The following GPC5 variants were observed in gnomAD, a reference collection of about 807,000 sequenced individuals.
The protein encoded by GPC5 is glypican-5.
A neutral mutation model predicts 53.9 loss-of-function variants in GPC5; 47 were observed. The ratio of observed to expected loss-of-function variants is 0.87; its 90% CI spans 0.69 to 1.11. The LOEUF is 1.11. Among genes scored for constraint, GPC5 ranks in the 50% most tolerant of loss-of-function variants. The pLI is 0.00. For synonymous variants in GPC5, 286 were observed against 263.3 expected, an observed-to-expected ratio of 1.09 and a Z score of -0.84; for missense variants, 748 against 713.1, an observed-to-expected ratio of 1.05 and a Z score of -0.56.
chr13:91,644,534 C>T (rs61966946), intron 2 of GPC5, among the ~76,000 whole-genome samples: 58 of 152,314 alleles, frequency 3.8e-4, no homozygotes, highest in Middle Eastern at 3.4e-3. Flanking sequence ...ATCTCTGCCT[C>T]AGTTTCTCTT....
chr13:91,667,675 C>T (rs969743064), intron 2 of GPC5, among the ~76,000 whole-genome samples: 1 of 152,180 alleles, frequency 6.6e-6, no homozygotes, highest in African/African-American at 2.4e-5. Context: ...AAGCACACAG[C>T]ATTCCTGATT....
intron 6 of GPC5, among the ~76,000 whole-genome samples, chr13:92,067,929 T>A (rs1182886722): frequency 1.3e-5 from 2 of 152,008 alleles, no homozygotes; most frequent in Non-Finnish European, 2.9e-5. Context: ...AATTTTCTAC[T>A]TTTTACATGT....
intron 4 of GPC5, among the ~76,000 whole-genome samples, chr13:91,733,429 G>A (rs1258188111): frequency 6.6e-6 from 1 of 152,102 alleles, no homozygotes; most frequent in Non-Finnish European, 1.5e-5. Context: ...CACCGGGCAT[G>A]GCCTGCTATA....
At chr13:91,678,640 C>T (rs1011184642) in intron 2 of GPC5, among the ~76,000 whole-genome samples, 1 of 151,822 alleles carries the variant, frequency 6.6e-6, no homozygotes, top group African/African-American at 2.4e-5. Context: ...TAAATATGAT[C>T]GATGACTTGT....
chr13:92,864,513 A>G (rs1285146079), intron 7 of GPC5, among the ~76,000 whole-genome samples: 5 of 152,196 alleles, frequency 3.3e-5, no homozygotes, highest in African/African-American at 1.2e-4. Flanking sequence ...CACAATGCTT[A>G]AAAATGAAAA....
At chr13:91,671,780 CAAAAAAAAAAA>C (rs55758033) in intron 2 of GPC5, among the ~76,000 whole-genome samples, 3 of 33,124 alleles carry the variant, frequency 9.1e-5, no homozygotes, top group Non-Finnish European at 1.7e-4. Context: ...CAATCTGAAG[CAAAAAAAAAAA>C]AAAAAAAAAA....
At chr13:92,486,425 A>G (rs1255170550) in intron 7 of GPC5, among the ~76,000 whole-genome samples, 1 of 152,222 alleles carries the variant, frequency 6.6e-6, no homozygotes, top group Admixed American at 6.5e-5. Flanking sequence ...TAGAAACCAC[A>G]TCGAACTTGC....
At chr13:92,596,502 TCTCA>T (rs1374553778) in intron 7 of GPC5, among the ~76,000 whole-genome samples, 3 of 151,776 alleles carry the variant, frequency 2.0e-5, no homozygotes, top group Non-Finnish European at 4.4e-5. Flanking sequence ...TGAGACAGAG[TCTCA>T]CTCTGTCGCC....
At position 92,214,189 on chromosome 13, in the gene GPC5, G is replaced by A. The variant is rs572385278; in HGVS notation, c.1561+69200G>A. On this transcript the variant is annotated intron_variant, in intron 7 of 7. Coordinates refer to ENST00000377067, the MANE Select transcript of GPC5 (RefSeq NM_004466.6). ...CACGTGAAAATCAAGGACTGCTCAA[G>A]TATAAATTTTTTTCTATACTGCCTT... 1.1e-3 allele frequency among the ~76,000 whole-genome samples: 170 copies of A among 152,242 alleles called. 8 individuals carry two copies. In the South Asian group the frequency reaches 0.03, roughly 27 times the overall value.
chr13:91,970,430 G>GC (rs200932010), intron 6 of GPC5, among the ~76,000 whole-genome samples: 3,241 of 150,180 alleles, frequency 0.022, 126 homozygotes, highest in African/African-American at 0.077. Flanking sequence ...GGAGTAGATT[G>GC]CCCCCCCCTC....
chr13:91,637,051 A>G (rs763621627), intron 2 of GPC5, among the ~76,000 whole-genome samples: 1 of 152,200 alleles, frequency 6.6e-6, no homozygotes, highest in Non-Finnish European at 1.5e-5. Context: ...ATTAAAATTA[A>G]TGTGCTGAAT....
At chr13:91,858,153 T>G (rs920391131) in intron 5 of GPC5, among the ~76,000 whole-genome samples, 4 of 151,808 alleles carry the variant, frequency 2.6e-5, no homozygotes, top group Non-Finnish European at 4.4e-5. Context: ...TTTATTTCTT[T>G]CTTTTGACTG....
chr13:92,841,809 T>G (rs981344494), intron 7 of GPC5, among the ~76,000 whole-genome samples: 1 of 152,176 alleles, frequency 6.6e-6, no homozygotes, highest in African/African-American at 2.4e-5. Context: ...ATGATTTATT[T>G]GTGTAAAACG....
At chr13:92,522,889 C>G (rs1473086743) in intron 7 of GPC5, among the ~76,000 whole-genome samples, 2 of 151,948 alleles carry the variant, frequency 1.3e-5, no homozygotes. Context: ...AATAAAGAAG[C>G]ATAACAGAGA....
chr13:91,408,721 T>G (rs1384102447), intron 1 of GPC5, among the ~76,000 whole-genome samples: 1 of 152,196 alleles, frequency 6.6e-6, no homozygotes, highest in Non-Finnish European at 1.5e-5. Context: ...ATAACTTAAA[T>G]TGTTTATTAC....
At chr13:91,911,469 A>C (rs2039609884) in intron 6 of GPC5, among the ~76,000 whole-genome samples, 1 of 152,116 alleles carries the variant, frequency 6.6e-6, no homozygotes, top group African/African-American at 2.4e-5. Context: ...GCTTGAACCC[A>C]GGGTCAGAGC....
At chr13:92,488,709 G>A (rs1471391529) in intron 7 of GPC5, among the ~76,000 whole-genome samples, 1 of 152,158 alleles carries the variant, frequency 6.6e-6, no homozygotes, top group African/African-American at 2.4e-5. Context: ...AATTCACAGC[G>A]ATACTGTGTC....
chr13:91,557,986 GA>G (rs780386884), intron 2 of GPC5, among the ~76,000 whole-genome samples: 9 of 152,068 alleles, frequency 5.9e-5, no homozygotes, highest in Non-Finnish European at 1.0e-4. Flanking sequence ...TTGCAATAAG[GA>G]AAAACTCTGT....
At chr13:92,506,936 A>C (rs1304733081) in intron 7 of GPC5, among the ~76,000 whole-genome samples, 1 of 152,154 alleles carries the variant, frequency 6.6e-6, no homozygotes, top group Admixed American at 6.5e-5. Flanking sequence ...CATTGCACTT[A>C]AGATATTTCC....
Sources: gnomAD v4.1 joint callset for allele counts (sites outside exome capture counted in the v4.1 genomes callset) on GRCh38, gnomAD v4.1.1 for gene constraint, MANE v1.5 for transcripts, NCBI Gene and HGNC (gene_info 2026-07-23, HGNC 2026-07-21) for gene names.